The following SPIDR variants were observed in gnomAD, a reference collection of about 807,000 sequenced individuals.
The protein encoded by SPIDR is DNA repair-scaffolding protein.
A neutral mutation model predicts 104.6 loss-of-function variants in SPIDR; 93 were observed. The observed-to-expected ratio is 0.89, with a 90% CI of 0.75 to 1.06. The LOEUF (loss-of-function observed/expected upper bound fraction) is 1.06, where lower values mean the gene tolerates loss of function less well. Among genes scored for constraint, SPIDR ranks in the 50% least tolerant of loss-of-function variants. The probability of loss-of-function intolerance (pLI) is 0.00; values close to 1 mark genes in which losing one functional copy is unlikely to be tolerated. For synonymous variants in SPIDR, 431 were observed against 416.9 expected (o/e 1.03, Z -0.41); for missense variants, 1,154 against 1,111.2 (o/e 1.04, Z -0.55).
At chr8:47,270,605 A>G (rs1461109576) in intron 1 of SPIDR, among the ~76,000 whole-genome samples, 4 of 150,946 alleles carry the variant, frequency 2.6e-5, no homozygotes, top group African/African-American at 9.7e-5. Context: ...TTTTTTTTAT[A>G]TTCTTTGTTG....
chr8:47,316,991 T>C lies in SPIDR; in HGVS notation c.525+22961T>C, dbSNP rs1035690495. Among the ~76,000 whole-genome samples, 72 of 152,230 alleles carry C rather than the reference T, an allele frequency of 4.7e-4. No individual in the cohort carries two copies. In the South Asian group the frequency reaches 0.013, roughly 28 times the overall value. ...GATTGGTGGAGCCAAGATGGCTGAA[T>C]GGGAACAGCTCCAGTCTAGAGCTCC... On this transcript the variant is annotated intron_variant, in intron 5 of 19. Coordinates refer to ENST00000297423, the MANE Select transcript of SPIDR (RefSeq NM_001080394.4).
chr8:47,294,201 C>T, intron 5 of SPIDR, 171 bp downstream of exon 5: 1 of 755,922 alleles, frequency 1.3e-6, no homozygotes, highest in East Asian at 2.9e-5. Context: ...CATGCTTGTG[C>T]TGTACTTCTC....
At chr8:47,288,202 C>T (rs2039232998) in intron 3 of SPIDR, among the ~76,000 whole-genome samples, 1 of 151,648 alleles carries the variant, frequency 6.6e-6, no homozygotes, top group East Asian at 1.9e-4. Flanking sequence ...CTTTATTGGA[C>T]TTCCTTATTA....
intron 8 of SPIDR, among the ~76,000 whole-genome samples, chr8:47,475,692 G>T (rs2076204714): frequency 6.6e-6 from 1 of 152,168 alleles, no homozygotes; most frequent in Non-Finnish European, 1.5e-5. Context: ...ATGCAGTGCT[G>T]AGGAGAGGAA....
intron 7 of SPIDR, among the ~76,000 whole-genome samples, chr8:47,427,222 A>G (rs1164379957): frequency 1.3e-5 from 2 of 150,432 alleles, no homozygotes; most frequent in Admixed American, 1.3e-4. Flanking sequence ...TAAATATTAT[A>G]AATACTTTAT....
At chr8:47,430,029 G>A (rs1451803178) in intron 7 of SPIDR, among the ~76,000 whole-genome samples, 2 of 152,018 alleles carry the variant, frequency 1.3e-5, no homozygotes, top group Non-Finnish European at 2.9e-5. Flanking sequence ...ATTCCCATGT[G>A]AAAGTCTCTC....
At chr8:47,450,059 G>A (rs949772732) in intron 8 of SPIDR, among the ~76,000 whole-genome samples, 1 of 152,154 alleles carries the variant, frequency 6.6e-6, no homozygotes, top group African/African-American at 2.4e-5. Flanking sequence ...AGCTCCTTGG[G>A]AGGCTGAGGT....
intron 1 of SPIDR, among the ~76,000 whole-genome samples, chr8:47,269,716 T>C (rs901130227): frequency 3.9e-4 from 59 of 152,292 alleles, no homozygotes; most frequent in Admixed American, 1.1e-3. Context: ...GTGGGAAGAG[T>C]TGACATCCTT....
intron 8 of SPIDR, among the ~76,000 whole-genome samples, chr8:47,457,171 G>A (rs1017555444): frequency 6.6e-6 from 1 of 152,124 alleles, no homozygotes; most frequent in Non-Finnish European, 1.5e-5. Context: ...AGTTCTTTAA[G>A]GAATCTCCAC....
chr8:47,701,531 C>A (rs1380394936), intron 12 of SPIDR, among the ~76,000 whole-genome samples, 190 bp from the exon 13 acceptor site: 1 of 152,202 alleles, frequency 6.6e-6, no homozygotes, highest in Non-Finnish European at 1.5e-5. Context: ...TTAATAGGTT[C>A]ATAAGTATGG....
chr8:47,514,707 G>A (rs984612720), intron 8 of SPIDR, among the ~76,000 whole-genome samples: 1 of 151,684 alleles, frequency 6.6e-6, no homozygotes, highest in Admixed American at 6.6e-5. Flanking sequence ...AGGGAGATAA[G>A]GGAAATATAA....
chr8:47,711,389 C>T (rs996880050), intron 14 of SPIDR, among the ~76,000 whole-genome samples: 4 of 152,068 alleles, frequency 2.6e-5, no homozygotes, highest in East Asian at 1.9e-4. Flanking sequence ...ATGTTCACTA[C>T]GCTGAAATGC....
At position 47,729,529 on chromosome 8, in the gene SPIDR, C is replaced by G. The variant is rs747190125; in HGVS notation, c.2604+64C>G. 6.3e-4 allele frequency: 959 copies of G among 1,531,276 alleles called. 3 individuals carry two copies. The highest frequency in any genetic ancestry group is 3.7e-4 in the Non-Finnish European group (425 of 1,136,854). 94.9% of individuals were successfully genotyped at this position (1,531,276 alleles called of 1,614,324 possible). A position where few individuals can be genotyped will look rare whatever the true frequency, so the allele number is the denominator to read the frequency against. On this transcript the variant is annotated intron_variant, in intron 19 of 19. Coordinates refer to ENST00000297423, the MANE Select transcript of SPIDR (RefSeq NM_001080394.4). ...AGTAGCCTGCATGAGCAACTCATCC[C>G]CAGAGGAAGCCCCCACTCCCAAATG...
chr8:47,546,355 A>G (rs1282665828), intron 8 of SPIDR, among the ~76,000 whole-genome samples: 1 of 151,996 alleles, frequency 6.6e-6, no homozygotes, highest in East Asian at 1.9e-4. Context: ...TTTTCAAGGA[A>G]CTGGTTTATT....
intron 8 of SPIDR, among the ~76,000 whole-genome samples, chr8:47,577,038 T>C (rs78566291): frequency 0.041 from 6,184 of 152,308 alleles, 403 homozygotes; most frequent in African/African-American, 0.14. Context: ...GCATGACTTA[T>C]TGATTCCACA....
At chr8:47,275,026 GA>G (rs1268927662) in intron 1 of SPIDR, among the ~76,000 whole-genome samples, 1 of 151,498 alleles carries the variant, frequency 6.6e-6, no homozygotes, top group Admixed American at 6.6e-5. Context: ...TTGGGAGGCC[GA>G]GGCGGGTGGA....
chr8:47,355,412 A>G (rs2054345570), intron 5 of SPIDR, among the ~76,000 whole-genome samples: 1 of 150,406 alleles, frequency 6.6e-6, no homozygotes, highest in Admixed American at 6.6e-5. Flanking sequence ...AGAATCTGAT[A>G]GAATGCCTAG....
At chr8:47,538,685 A>G (rs2087434132) in intron 8 of SPIDR, among the ~76,000 whole-genome samples, 1 of 152,108 alleles carries the variant, frequency 6.6e-6, no homozygotes, top group Admixed American at 6.6e-5. Flanking sequence ...TAAATTTGAT[A>G]TAGCTCTCTG....
intron 5 of SPIDR, among the ~76,000 whole-genome samples, chr8:47,352,750 C>G (rs2053776899): frequency 6.6e-6 from 1 of 152,092 alleles, no homozygotes; most frequent in African/African-American, 2.4e-5. Context: ...ATGGCAAAAA[C>G]TAAGTAAAGT....
Sources: gnomAD v4.1 joint callset for allele counts (sites outside exome capture counted in the v4.1 genomes callset) on GRCh38, gnomAD v4.1.1 for gene constraint, MANE v1.5 for transcripts, NCBI Gene and HGNC (gene_info 2026-07-23, HGNC 2026-07-21) for gene names.